Variants in C8orf88 observed in about 807,000 individuals in gnomAD.
C8orf88 encodes the protein chromosome 8 open reading frame 88, also known as uncharacterized protein C8orf88.
In C8orf88, 14 loss-of-function variants were observed where a neutral mutation model predicts 18.4. The ratio of observed to expected loss-of-function variants is 0.76; its 90% CI spans 0.50 to 1.19. The LOEUF (loss-of-function observed/expected upper bound fraction) is 1.19, where lower values mean the gene tolerates loss of function less well. C8orf88 is among the 50% of genes most tolerant of loss of function. The pLI is 0.00. For synonymous variants in C8orf88, 45 were observed against 42.9 expected (o/e 1.05, Z -0.19); for missense variants, 116 against 134.7 (o/e 0.86, Z 0.69).
intron 4 of C8orf88, among the ~76,000 whole-genome samples, chr8:90,965,759 A>T (rs1009480197): frequency 2.0e-5 from 3 of 151,878 alleles, no homozygotes; most frequent in African/African-American, 7.2e-5. Context: ...AATATGTGTA[A>T]ATTAAAACAC....
At chr8:90,980,794 G>C (rs1811423977) in intron 1 of C8orf88, among the ~76,000 whole-genome samples, 1 of 152,166 alleles carries the variant, frequency 6.6e-6, no homozygotes, top group Non-Finnish European at 1.5e-5. Context: ...CTGGGCTCAA[G>C]AGATCCTCCT....
chr8:90,977,851 G>A (rs1811373747), intron 3 of C8orf88, among the ~76,000 whole-genome samples: 1 of 152,164 alleles, frequency 6.6e-6, no homozygotes, highest in Non-Finnish European at 1.5e-5. Context: ...GGAGGCTGAA[G>A]CAGGAGAATC....
At chr8:90,973,861 A>T (rs1362302046) in intron 3 of C8orf88, among the ~76,000 whole-genome samples, 1 of 152,136 alleles carries the variant, frequency 6.6e-6, no homozygotes, top group African/African-American at 2.4e-5. Context: ...AGATCAGGAA[A>T]GAGAATAAAA....
chr8:90,967,959 T>G (rs1811226395), intron 4 of C8orf88, among the ~76,000 whole-genome samples: 1 of 151,762 alleles, frequency 6.6e-6, no homozygotes, highest in African/African-American at 2.4e-5. Context: ...TATTTATGGA[T>G]TGTCAGATTT....
rs181316940 is a variant in C8orf88, at chr8:90,971,119, G to A, written c.170C>T (p.Ala57Val). 129 of 1,520,944 alleles carry A rather than the reference G, an allele frequency of 8.5e-5. No individual in the cohort carries two copies. The East Asian group carries it at 1.3e-3, about 16-fold the overall frequency. 94.2% of individuals were successfully genotyped at this position (1,520,944 alleles called of 1,614,324 possible). ...TTGCTCATTAAGACCTTGAGAAAAGGCTTGCATTCCATTCGTCTTACACTG... is the reference window on the plus strand; with the variant it reads ...TTGCTCATTAAGACCTTGAGAAAAGACTTGCATTCCATTCGTCTTACACTG... ...VSRCKTNGMQ[A>V]FSQGLNEQQQ... The change falls in exon 4 of 6, where the codon GCC becomes GTC. Residue 57 changes from alanine (A) to valine (V), a missense_variant. Ala to Val is a moderately conservative substitution (Grantham distance 64, BLOSUM62 0). Coordinates refer to ENST00000517562, the MANE Select transcript of C8orf88 (RefSeq NM_001190972.2).
intron 3 of C8orf88, among the ~76,000 whole-genome samples, chr8:90,978,261 T>C (rs1811380417): frequency 6.6e-6 from 1 of 152,112 alleles, no homozygotes; most frequent in African/African-American, 2.4e-5. Flanking sequence ...AAAGTACAAA[T>C]ATATTCATGG....
chr8:90,963,865 G>A (rs1811160189), intron 4 of C8orf88, among the ~76,000 whole-genome samples: 1 of 151,472 alleles, frequency 6.6e-6, no homozygotes, highest in Non-Finnish European at 1.5e-5. Context: ...GGAGTCCCAG[G>A]AGAAGAGAGA....
In C8orf88 at chr8:90,973,598, TC is replaced by T. The variant is rs1350370278; in HGVS notation, c.148-2458del. Among the ~76,000 whole-genome samples, 11 of 152,244 alleles carry T rather than the reference TC, an allele frequency of 7.2e-5. No homozygotes were observed. In the East Asian group the frequency reaches 2.1e-3, roughly 29 times the overall value. On this transcript the variant is annotated intron_variant, in intron 3 of 5. Coordinates refer to ENST00000517562, the MANE Select transcript of C8orf88 (RefSeq NM_001190972.2). ...CCTGAACTCAAGTCATCCTCCCAAC[TC>T]AGCCTCCTGAGGAGCTAGGACTGCA... is the stretch of plus-strand genomic sequence containing the variant.
intron 5 of C8orf88, among the ~76,000 whole-genome samples, chr8:90,959,702 A>G (rs1013763234): frequency 6.6e-6 from 1 of 151,438 alleles, no homozygotes; most frequent in Non-Finnish European, 1.5e-5. Context: ...AATACTATGA[A>G]TTCCAAAGAA....
At chr8:90,978,440 G>T in intron 3 of C8orf88, 139 bp downstream of exon 3, 1 of 414,052 alleles carries the variant, frequency 2.4e-6, no homozygotes, top group Non-Finnish European at 4.1e-6. Flanking sequence ...ACAGATAAAT[G>T]GGTGTTACAT....
At chr8:90,984,409 T>C (rs1373690405) in intron 1 of C8orf88, among the ~76,000 whole-genome samples, 1 of 151,622 alleles carries the variant, frequency 6.6e-6, no homozygotes, top group Non-Finnish European at 1.5e-5. Context: ...CATCGGGGAG[T>C]AAGAAATAAA....
chr8:90,981,182 CTAAT>C (rs1301394398), intron 1 of C8orf88, among the ~76,000 whole-genome samples: 1 of 152,088 alleles, frequency 6.6e-6, no homozygotes, highest in Non-Finnish European at 1.5e-5. Context: ...TATCTAAAAT[CTAAT>C]TAATAACTTT....
rs1335747243 is a variant in C8orf88, at chr8:90,971,158, AAAT to A, written c.148-20_148-18del. On this transcript the variant is annotated intron_variant, in intron 3 of 5. Transcript: ENST00000517562. ...CGTCTTACACTGTTAAACATGAAGA[AAAT>A]AAACTTTTTAACTCAGGTTTTAAAA... 21 of 1,419,150 alleles carry A rather than the reference AAAT, an allele frequency of 1.5e-5. No individual in the cohort carries two copies. The African/African-American group carries it at 3.1e-4, about 21-fold the overall frequency. The allele number at this position is 1,419,150 out of a possible 1,614,324, so 87.9% of individuals were successfully genotyped here. A position where few individuals can be genotyped will look rare whatever the true frequency, so the allele number is the denominator to read the frequency against.
chr8:90,960,708 T>A, intron 5 of C8orf88, 34 bp downstream of exon 5: 1 of 1,214,254 alleles, frequency 8.2e-7, no homozygotes, highest in Non-Finnish European at 1.1e-6. Context: ...TTTTGTAATA[T>A]AATATTACAA....
intron 4 of C8orf88, among the ~76,000 whole-genome samples, chr8:90,967,935 G>T (rs1811226073): frequency 6.6e-6 from 1 of 151,648 alleles, no homozygotes; most frequent in Admixed American, 6.6e-5. Flanking sequence ...ATACCTAAAT[G>T]GGAAGATTTC....
chr8:90,962,164 C>T (rs1811136731), intron 4 of C8orf88, among the ~76,000 whole-genome samples: 1 of 151,574 alleles, frequency 6.6e-6, no homozygotes, highest in Non-Finnish European at 1.5e-5. Context: ...TTTCATTTAA[C>T]ATTTTTGAGG....
At chr8:90,971,189 T>G in intron 3 of C8orf88, 48 bp from the exon 4 acceptor site, 1 of 1,129,750 alleles carries the variant, frequency 8.9e-7, no homozygotes, top group Non-Finnish European at 1.2e-6. Flanking sequence ...TTTTAAAATT[T>G]TATATAATTA....
chr8:90,980,119 G>A (rs76274447), intron 2 of C8orf88, among the ~76,000 whole-genome samples: 2 of 152,022 alleles, frequency 1.3e-5, no homozygotes, highest in East Asian at 1.9e-4. Context: ...TGAGACATGA[G>A]AAAAAACACA....
Position 90,980,366 on chromosome 8 carries a change from G to A in C8orf88, c.70C>T (p.Pro24Ser). 6.6e-7 allele frequency: 1 copy of A among 1,525,524 alleles called. No homozygotes were observed. The highest frequency in any genetic ancestry group is 8.8e-7 in the Non-Finnish European group (1 of 1,142,654). 94.5% of individuals were successfully genotyped at this position (1,525,524 alleles called of 1,614,324 possible). A position where few individuals can be genotyped will look rare whatever the true frequency, so the allele number is the denominator to read the frequency against. Residue 24 changes from proline to serine, a missense_variant, in exon 2 of 6, where the codon CCA (proline) becomes TCA (serine). Pro to Ser is a moderately conservative substitution (Grantham distance 74). Coordinates refer to ENST00000517562, the MANE Select transcript of C8orf88 (RefSeq NM_001190972.2). ...ARPVRHLTSP[P>S]GAVFPFNFQN... ...AACTGTACAATCTATTACTCACCTG[G>A]GGGAGAAGTCAGATGACGAACAGGT...
Sources: allele counts gnomAD v4.1 joint callset (sites outside exome capture counted in the v4.1 genomes callset), GRCh38; gene constraint gnomAD v4.1.1; transcripts MANE v1.5; gene names NCBI Gene and HGNC (gene_info 2026-07-23, HGNC 2026-07-21).